The following SPRED1 variants were observed in gnomAD, a reference collection of about 807,000 sequenced individuals.
SPRED1 encodes sprouty-related, EVH1 domain-containing protein 1.
SPRED1 carries 18 observed loss-of-function variants against 52.3 expected under a neutral mutation model. That is an observed-to-expected ratio of 0.34 (90% CI 0.24 to 0.51). The LOEUF is 0.51. SPRED1 is among the 20% of genes least tolerant of loss of function. The probability of loss-of-function intolerance (pLI) is 0.97; values close to 1 mark genes in which losing one functional copy is unlikely to be tolerated. For missense variants in SPRED1, 485 were observed against 551.0 expected (o/e 0.88, Z 1.20); for synonymous variants, 155 against 179.7 (o/e 0.86, Z 1.10).
In SPRED1 at chr15:38,351,252, C is replaced by T; in HGVS notation, c.923C>T (p.Ser308Phe). ...DETKLSSPKD[S>F]VVFKTQPSSL... Reference sequence around the variant, plus strand: ...ACTAAGTTAAGTTCACCCAAAGACTCTGTGGTATTTAAGACGCAGCCTTCC... The same window carrying T: ...ACTAAGTTAAGTTCACCCAAAGACTTTGTGGTATTTAAGACGCAGCCTTCC... Residue 308 changes from serine (S) to phenylalanine (F), a missense_variant, in exon 7 of 7, where the codon TCT (serine) becomes TTT (phenylalanine). Ser to Phe is a radical substitution (Grantham distance 155). Transcript: ENST00000299084. 6.2e-7 allele frequency: 1 copy of T among 1,614,078 alleles called. No individual in the cohort carries two copies. The highest frequency in any genetic ancestry group is 1.1e-5 in the South Asian group (1 of 91,072).
intron 4 of SPRED1, among the ~76,000 whole-genome samples, chr15:38,335,469 CAGA>C (rs1430179259): frequency 6.6e-6 from 1 of 152,016 alleles, no homozygotes; most frequent in Non-Finnish European, 1.5e-5. Context: ...GAAAGATACT[CAGA>C]AGATTACCTT....
At chr15:38,348,426 GTGTGTGTGTGTGTC>G (rs1566875812) in intron 5 of SPRED1, among the ~76,000 whole-genome samples, 1 of 151,788 alleles carries the variant, frequency 6.6e-6, no homozygotes, top group Non-Finnish European at 1.5e-5. Flanking sequence ...CTGTGTGTGT[GTGTGTGTGTGTGTC>G]TGTGTGTGTA....
intron 2 of SPRED1, among the ~76,000 whole-genome samples, chr15:38,300,209 T>G (rs1595733921): frequency 6.6e-6 from 1 of 152,318 alleles, no homozygotes; most frequent in African/African-American, 2.4e-5. Flanking sequence ...TTGCTCTTTT[T>G]TAATTAGTAT....
chr15:38,264,610 G>A (rs1894268463), intron 1 of SPRED1, among the ~76,000 whole-genome samples: 1 of 152,166 alleles, frequency 6.6e-6, no homozygotes, highest in Non-Finnish European at 1.5e-5. Flanking sequence ...GATAGCTAGG[G>A]TGGTATCAGG....
Position 38,315,852 on chromosome 15 carries a change from A to G in SPRED1, c.208-6389A>G, listed in dbSNP as rs144602573. Among the ~76,000 whole-genome samples the G allele has an allele frequency of 4.5e-4, 69 of 152,100 alleles. No homozygotes were observed. In the East Asian group the frequency reaches 0.013, roughly 28 times the overall value. ...GCATCACCTAGTCACCAACATCACC[A>G]TCACTACTAAGATTTATTGAAGATT... On this transcript the variant is annotated intron_variant, in intron 2 of 6. Coordinates refer to ENST00000299084, the MANE Select transcript of SPRED1 (RefSeq NM_152594.3).
intron 2 of SPRED1, among the ~76,000 whole-genome samples, chr15:38,307,151 T>C (rs1895266151): frequency 6.6e-6 from 1 of 152,218 alleles, no homozygotes; most frequent in South Asian, 2.1e-4. Flanking sequence ...TCTGCACTAC[T>C]TTTGTTTTAT....
chr15:38,352,042 A>G lies in SPRED1; in HGVS notation c.*378A>G. The stretch of plus-strand genomic sequence containing the variant: ...GGACACGAACTAAAAATAAAAGTGC[A>G]CTAGGGGACAGTTGATTTCAATCTA... On this transcript the variant is annotated 3_prime_UTR_variant, in exon 7 of 7. Coordinates refer to ENST00000299084, the MANE Select transcript of SPRED1 (RefSeq NM_152594.3). The G allele has an allele frequency of 4.5e-6, 1 of 220,858 alleles. No individual in the cohort carries two copies. 13.7% of individuals were successfully genotyped at this position (220,858 alleles called of 1,614,324 possible).
chr15:38,314,284 A>T (rs1015230250), intron 2 of SPRED1, among the ~76,000 whole-genome samples: 2 of 151,856 alleles, frequency 1.3e-5, no homozygotes, highest in African/African-American at 4.8e-5. Context: ...ACATATATTC[A>T]GATATGTTAC....
chr15:38,322,483 C>T, intron 3 of SPRED1, 74 bp downstream of exon 3: 1 of 1,529,160 alleles, frequency 6.5e-7, no homozygotes, highest in Non-Finnish European at 9.0e-7. Flanking sequence ...TTAAAGTTGA[C>T]CCAAAGTAGT....
chr15:38,265,985 T>A (rs1351366775), intron 1 of SPRED1, among the ~76,000 whole-genome samples: 1 of 152,214 alleles, frequency 6.6e-6, no homozygotes, highest in Non-Finnish European at 1.5e-5. Flanking sequence ...CTTGATTTAG[T>A]CTGTTAACTG....
chr15:38,305,545 A>G (rs1285787856), intron 2 of SPRED1, among the ~76,000 whole-genome samples: 5 of 152,074 alleles, frequency 3.3e-5, no homozygotes, highest in Non-Finnish European at 4.4e-5. Context: ...CAGGAAAATG[A>G]TATGCTAGAC....
At chr15:38,266,643 AAAAC>A (rs60503156) in intron 1 of SPRED1, among the ~76,000 whole-genome samples, 4,342 of 151,834 alleles carry the variant, frequency 0.029, 197 homozygotes, top group African/African-American at 0.098. Context: ...TCTGTCTCAA[AAAAC>A]AAACAAACAA....
chr15:38,265,771 C>T (rs1020125764), intron 1 of SPRED1, among the ~76,000 whole-genome samples: 1 of 152,060 alleles, frequency 6.6e-6, no homozygotes, highest in Non-Finnish European at 1.5e-5. Flanking sequence ...AAACATCTTA[C>T]AGTTCAATCC....
intron 2 of SPRED1, among the ~76,000 whole-genome samples, chr15:38,300,621 A>T (rs111853091): frequency 9.6e-4 from 146 of 152,206 alleles, no homozygotes; most frequent in African/African-American, 3.2e-3. Flanking sequence ...GTTATCCTAA[A>T]TCATCTCGAA....
chr15:38,253,276 C>A (rs1894021697), intron 1 of SPRED1, 59 bp downstream of exon 1: 2 of 1,510,576 alleles, frequency 1.3e-6, no homozygotes, highest in African/African-American at 2.8e-5. Flanking sequence ...CCTCGGCTCT[C>A]CCCCAGACCC....
chr15:38,263,694 AAGTCAGGTTTTGCT>A (rs1894248018), intron 1 of SPRED1, among the ~76,000 whole-genome samples: 1 of 152,172 alleles, frequency 6.6e-6, no homozygotes, highest in Admixed American at 6.5e-5. Context: ...ATGGGGACAG[AAGTCAGGTTTTGCT>A]ATAGGTTGAG....
intron 2 of SPRED1, among the ~76,000 whole-genome samples, chr15:38,318,701 C>G (rs762896823): frequency 3.3e-5 from 5 of 152,120 alleles, no homozygotes; most frequent in Non-Finnish European, 7.4e-5. Flanking sequence ...CTTTCGGTTC[C>G]TACATTAATT....
At chr15:38,260,514 TTC>T (rs199704496) in intron 1 of SPRED1, among the ~76,000 whole-genome samples, 16 of 151,222 alleles carry the variant, frequency 1.1e-4, no homozygotes, top group African/African-American at 3.7e-4. Context: ...GATTTTTTTT[TTC>T]TTATAGCACA....
chr15:38,345,922 TC>T (rs1896126025), intron 5 of SPRED1, among the ~76,000 whole-genome samples: 1 of 152,184 alleles, frequency 6.6e-6, no homozygotes, highest in Admixed American at 6.5e-5. Context: ...GTTCACTAGA[TC>T]TGCAGAGATG....
Sources: allele counts gnomAD v4.1 joint callset (sites outside exome capture counted in the v4.1 genomes callset), GRCh38; gene constraint gnomAD v4.1.1; transcripts MANE v1.5; gene names NCBI Gene and HGNC (gene_info 2026-07-23, HGNC 2026-07-21).